The following FAM171A1 variants were observed in gnomAD, a reference collection of about 807,000 sequenced individuals.
The protein encoded by FAM171A1 is protein FAM171A1.
FAM171A1 carries 23 observed loss-of-function variants against 74.9 expected under a neutral mutation model. That is an observed-to-expected ratio of 0.31 (90% confidence interval 0.22 to 0.44). The LOEUF is 0.44. Among genes scored for constraint, FAM171A1 ranks in the 20% least tolerant of loss-of-function variants. The pLI, the probability that FAM171A1 is intolerant of heterozygous loss-of-function variation, is 1.00. For synonymous variants in FAM171A1, 527 were observed against 505.7 expected, an observed-to-expected ratio of 1.04 and a Z score of -0.57; for missense variants, 1,162 against 1,159.2, an observed-to-expected ratio of 1.00 and a Z score of -0.03.
In FAM171A1 at chr10:15,340,338, T is replaced by C. The variant is rs115819555; in HGVS notation, c.97+30618A>G. ...CAAGGCTGGGGATGACATGGGCCTGTTGATGGGATGCAGGAGAGTCACAGG... is the reference window on the plus strand; with the variant it reads ...CAAGGCTGGGGATGACATGGGCCTGCTGATGGGATGCAGGAGAGTCACAGG... On this transcript the variant is annotated intron_variant, in intron 1 of 7. Coordinates refer to ENST00000378116, the MANE Select transcript of FAM171A1 (RefSeq NM_001010924.2). Among the ~76,000 whole-genome samples, 369 of 152,312 alleles carry C rather than the reference T, an allele frequency of 2.4e-3. 4 individuals carry two copies. The highest frequency in any genetic ancestry group is 0.012 in the East Asian group (63 of 5,178).
At chr10:15,321,946 A>G (rs989206131) in intron 1 of FAM171A1, among the ~76,000 whole-genome samples, 1 of 152,224 alleles carries the variant, frequency 6.6e-6, no homozygotes, top group African/African-American at 2.4e-5. Flanking sequence ...CAAATAGTAG[A>G]TACTGTTGCT....
intron 1 of FAM171A1, among the ~76,000 whole-genome samples, chr10:15,300,620 CA>C (rs145825136): frequency 6.1e-5 from 6 of 98,116 alleles, no homozygotes; most frequent in Admixed American, 5.0e-4. Context: ...AAAAAATAAA[CA>C]AAAAAAAAAC....
intron 5 of FAM171A1, among the ~76,000 whole-genome samples, chr10:15,233,685 T>A (rs147754356): frequency 0.016 from 2,466 of 152,076 alleles, 29 homozygotes; most frequent in Non-Finnish European, 0.025. Context: ...GGGTGGATCA[T>A]GAGGTCAGGA....
intron 7 of FAM171A1, among the ~76,000 whole-genome samples, chr10:15,215,050 T>G (rs1245726973): frequency 1.3e-5 from 2 of 151,996 alleles, no homozygotes; most frequent in East Asian, 3.9e-4. Context: ...GCCTGGCCCT[T>G]ATCCTTATTT....
chr10:15,275,986 G>C, intron 2 of FAM171A1, 39 bp from the exon 3 acceptor site: 1 of 1,482,870 alleles, frequency 6.7e-7, no homozygotes, highest in Non-Finnish European at 9.3e-7. Flanking sequence ...GATTTTAATA[G>C]TCATATTTAA....
At chr10:15,355,111 G>C (rs959636408) in intron 1 of FAM171A1, among the ~76,000 whole-genome samples, 2 of 152,212 alleles carry the variant, frequency 1.3e-5, no homozygotes, top group Non-Finnish European at 2.9e-5. Context: ...GTTTGCAACA[G>C]GGTCTTGCTC....
chr10:15,242,013 C>T (rs1834370124), intron 5 of FAM171A1, among the ~76,000 whole-genome samples: 1 of 152,094 alleles, frequency 6.6e-6, no homozygotes, highest in African/African-American at 2.4e-5. Flanking sequence ...GCTATCTGTG[C>T]CATTTCTGGC....
chr10:15,263,692 T>C (rs1463881130), intron 3 of FAM171A1, among the ~76,000 whole-genome samples: 7 of 152,078 alleles, frequency 4.6e-5, no homozygotes, highest in Non-Finnish European at 8.8e-5. Flanking sequence ...TCTATGCATC[T>C]ATCAATCATC....
At chr10:15,229,849 T>A (rs563119086) in intron 5 of FAM171A1, among the ~76,000 whole-genome samples, 609 of 15,798 alleles carry the variant, frequency 0.039, 6 homozygotes, top group South Asian at 0.051. Context: ...ACCATCACCA[T>A]CATCACCATC....
chr10:15,279,347 T>C (rs1378177714), intron 2 of FAM171A1, among the ~76,000 whole-genome samples: 4 of 152,162 alleles, frequency 2.6e-5, no homozygotes, highest in Non-Finnish European at 4.4e-5. Flanking sequence ...TGTAACAAGC[T>C]TGGCACCAGC....
chr10:15,295,438 C>G (rs1197061790), intron 1 of FAM171A1, among the ~76,000 whole-genome samples: 1 of 152,032 alleles, frequency 6.6e-6, no homozygotes, highest in Non-Finnish European at 1.5e-5. Flanking sequence ...CACAGTCTGC[C>G]CTTCTCATTT....
chr10:15,262,450 G>C (rs1293113268), intron 3 of FAM171A1, among the ~76,000 whole-genome samples: 1 of 152,160 alleles, frequency 6.6e-6, no homozygotes, highest in African/African-American at 2.4e-5. Context: ...AACAGAGAGA[G>C]GGCCAGAGAA....
intron 2 of FAM171A1, among the ~76,000 whole-genome samples, chr10:15,277,733 TAAG>T (rs1834912134): frequency 6.6e-6 from 1 of 152,082 alleles, no homozygotes; most frequent in African/African-American, 2.4e-5. Flanking sequence ...AGATAAGTGC[TAAG>T]AAGATCAGTC....
chr10:15,303,479 T>A (rs1835257660), intron 1 of FAM171A1, among the ~76,000 whole-genome samples: 1 of 152,194 alleles, frequency 6.6e-6, no homozygotes, highest in Non-Finnish European at 1.5e-5. Context: ...GAAACTTTCA[T>A]CTTTTAATCT....
At chr10:15,347,084 T>C (rs1287583429) in intron 1 of FAM171A1, among the ~76,000 whole-genome samples, 1 of 152,114 alleles carries the variant, frequency 6.6e-6, no homozygotes. Flanking sequence ...TTTAAAAGAA[T>C]GGGAAAATCA....
At chr10:15,266,520 T>C (rs1050124672) in intron 3 of FAM171A1, among the ~76,000 whole-genome samples, 1 of 151,156 alleles carries the variant, frequency 6.6e-6, no homozygotes, top group African/African-American at 2.4e-5. Flanking sequence ...AAGCCCCAGG[T>C]GGAAAACAGA....
chr10:15,249,287 G>A (rs555072742), intron 4 of FAM171A1, among the ~76,000 whole-genome samples: 4 of 152,066 alleles, frequency 2.6e-5, no homozygotes, highest in African/African-American at 7.2e-5. Flanking sequence ...GTGAAGATGG[G>A]GTTTTGCCAT....
intron 4 of FAM171A1, 116 bp downstream of exon 4, chr10:15,254,605 T>A: frequency 8.7e-7 from 1 of 1,142,984 alleles, no homozygotes; most frequent in Non-Finnish European, 1.2e-6. Flanking sequence ...ATTCCCCTTC[T>A]GCACCTTCAG....
intron 1 of FAM171A1, among the ~76,000 whole-genome samples, chr10:15,352,196 G>C (rs774005887): frequency 1.3e-5 from 2 of 151,798 alleles, no homozygotes. Context: ...CCGAAATCAC[G>C]CCACTGCACT....
Sources: gnomAD v4.1 joint callset for allele counts (sites outside exome capture counted in the v4.1 genomes callset) on GRCh38, gnomAD v4.1.1 for gene constraint, MANE v1.5 for transcripts, NCBI Gene and HGNC (gene_info 2026-07-23, HGNC 2026-07-21) for gene names.